Variants in ITFG1 observed in about 807,000 individuals in gnomAD.
ITFG1 encodes the protein T-cell immunomodulatory protein.
In ITFG1, 34 loss-of-function variants were observed where a neutral mutation model predicts 81.8. That is an observed-to-expected ratio of 0.42 (90% CI 0.32 to 0.55). The LOEUF (loss-of-function observed/expected upper bound fraction) is 0.55, where lower values mean the gene tolerates loss of function less well. ITFG1 is among the 20% of genes least tolerant of loss of function. ITFG1 has a pLI of 0.17. For synonymous variants in ITFG1, 285 were observed against 270.6 expected, an observed-to-expected ratio of 1.05 and a Z score of -0.52; for missense variants, 672 against 755.4, an observed-to-expected ratio of 0.89 and a Z score of 1.29.
At chr16:47,212,312 C>G (rs989772305) in intron 14 of ITFG1, among the ~76,000 whole-genome samples, 1 of 152,146 alleles carries the variant, frequency 6.6e-6, no homozygotes, top group African/African-American at 2.4e-5. Context: ...CTCCAGGGCT[C>G]AAGTGATCCT....
intron 6 of ITFG1, among the ~76,000 whole-genome samples, chr16:47,379,293 T>G (rs535646800): frequency 6.6e-6 from 1 of 152,214 alleles, no homozygotes; most frequent in South Asian, 2.1e-4. Flanking sequence ...GACTCTAAAA[T>G]GAAACTTCAT....
intron 14 of ITFG1, among the ~76,000 whole-genome samples, chr16:47,180,434 C>T (rs575373690): frequency 3.6e-4 from 55 of 152,154 alleles, no homozygotes; most frequent in Non-Finnish European, 6.5e-4. Flanking sequence ...TGATGCCGAG[C>T]CAAAGCTGGA....
At chr16:47,274,482 C>T (rs2151547433) in intron 10 of ITFG1, among the ~76,000 whole-genome samples, 1 of 152,058 alleles carries the variant, frequency 6.6e-6, no homozygotes, top group East Asian at 1.9e-4. Context: ...AAAACTTGGG[C>T]TGAAAGAAAG....
At chr16:47,456,236 G>C (rs1425394782) in intron 2 of ITFG1, among the ~76,000 whole-genome samples, 2 of 151,878 alleles carry the variant, frequency 1.3e-5, no homozygotes, top group Non-Finnish European at 1.5e-5. Context: ...CTATACCAAG[G>C]CACATCATCA....
intron 8 of ITFG1, 45 bp from the exon 9 acceptor site, chr16:47,313,868 AG>A (rs2151565574): frequency 8.6e-7 from 1 of 1,156,380 alleles, no homozygotes; most frequent in Non-Finnish European, 1.3e-6. Context: ...CACAAAATAA[AG>A]TGTTCTTGTA....
intron 8 of ITFG1, among the ~76,000 whole-genome samples, chr16:47,331,556 C>A (rs1422734581): frequency 6.6e-6 from 1 of 152,076 alleles, no homozygotes; most frequent in Admixed American, 6.6e-5. Context: ...ATAAAAACTG[C>A]GAATAAAGGT....
chr16:47,159,585 G>A (rs1964768724), intron 16 of ITFG1, among the ~76,000 whole-genome samples: 1 of 151,972 alleles, frequency 6.6e-6, no homozygotes, highest in Admixed American at 6.6e-5. Context: ...ACTGTTAATG[G>A]CAATATACAG....
chr16:47,228,460 G>A (rs1003271633), intron 13 of ITFG1, among the ~76,000 whole-genome samples: 4 of 152,194 alleles, frequency 2.6e-5, no homozygotes, highest in South Asian at 4.2e-4. Flanking sequence ...GTGCTCAGGC[G>A]ATCCTCCCAC....
chr16:47,399,587 A>G (rs1968634934), intron 6 of ITFG1, among the ~76,000 whole-genome samples: 1 of 151,974 alleles, frequency 6.6e-6, no homozygotes, highest in Non-Finnish European at 1.5e-5. Flanking sequence ...AAAAAAAAAA[A>G]GTTCAGAGAG....
At chr16:47,378,280 A>C (rs1968352040) in intron 6 of ITFG1, among the ~76,000 whole-genome samples, 1 of 152,242 alleles carries the variant, frequency 6.6e-6, no homozygotes. Flanking sequence ...TTGAAAATAG[A>C]ATAAATGTGG....
chr16:47,261,175 C>T (rs976111827), intron 10 of ITFG1, among the ~76,000 whole-genome samples: 7 of 152,322 alleles, frequency 4.6e-5, no homozygotes, highest in Admixed American at 2.0e-4. Flanking sequence ...AAGCATCATA[C>T]GTTGCATAGC....
chr16:47,176,827 A>G (rs978707658), intron 14 of ITFG1, among the ~76,000 whole-genome samples: 6 of 152,236 alleles, frequency 3.9e-5, no homozygotes, highest in African/African-American at 1.4e-4. Context: ...ATTCTATTAA[A>G]GTCAATGGTT....
At chr16:47,446,791 A>C (rs563552002) in intron 5 of ITFG1, among the ~76,000 whole-genome samples, 1 of 152,276 alleles carries the variant, frequency 6.6e-6, no homozygotes, top group Admixed American at 6.5e-5. Flanking sequence ...TTTCACCCTA[A>C]ATTGAAATGG....
intron 9 of ITFG1, 63 bp from the exon 10 acceptor site, chr16:47,311,475 A>C: frequency 7.9e-7 from 1 of 1,269,760 alleles, no homozygotes; most frequent in Non-Finnish European, 1.1e-6. Flanking sequence ...TATAATTTGC[A>C]AAACAAACGA....
At chr16:47,292,691 T>G (rs1260249449) in intron 10 of ITFG1, among the ~76,000 whole-genome samples, 1 of 152,204 alleles carries the variant, frequency 6.6e-6, no homozygotes, top group Admixed American at 6.5e-5. Flanking sequence ...CTTCAGTGAC[T>G]ATTATTTTAC....
At chr16:47,219,777 C>T (rs1965669065) in intron 13 of ITFG1, among the ~76,000 whole-genome samples, 1 of 152,074 alleles carries the variant, frequency 6.6e-6, no homozygotes, top group Admixed American at 6.6e-5. Context: ...ATGATTTCAT[C>T]AACATCACAA....
Position 47,254,161 on chromosome 16 carries a change from T to C in ITFG1, c.1330+4471A>G, listed in dbSNP as rs927911783. Among the ~76,000 whole-genome samples, 3 of 151,950 alleles carry C rather than the reference T, an allele frequency of 2.0e-5. No individual in the cohort carries two copies. In the East Asian group the frequency reaches 5.8e-4, roughly 29 times the overall value. The stretch of plus-strand genomic sequence containing the variant: ...TTCAAGCAGAAGCTAAGATGTTGCA[T>C]TAGGTTAGACTTGGGCAAGATGCCT... On this transcript the variant is annotated intron_variant, in intron 12 of 17. Coordinates refer to ENST00000320640, the MANE Select transcript of ITFG1 (RefSeq NM_030790.5).
At chr16:47,247,393 T>C (rs1285517773) in intron 12 of ITFG1, among the ~76,000 whole-genome samples, 2 of 152,300 alleles carry the variant, frequency 1.3e-5, no homozygotes, top group East Asian at 1.9e-4. Context: ...TGTATGTTAG[T>C]AGTTCATCTT....
At chr16:47,222,742 G>A (rs1044206445) in intron 13 of ITFG1, among the ~76,000 whole-genome samples, 2 of 152,174 alleles carry the variant, frequency 1.3e-5, no homozygotes, top group Admixed American at 1.3e-4. Context: ...CTGAGTTCTA[G>A]TTTGATTGCA....
Sources: gnomAD v4.1 joint callset for allele counts (sites outside exome capture counted in the v4.1 genomes callset) on GRCh38, gnomAD v4.1.1 for gene constraint, MANE v1.5 for transcripts, NCBI Gene and HGNC (gene_info 2026-07-23, HGNC 2026-07-21) for gene names.